SPATA13: variants seen among roughly 807,000 people sequenced by gnomAD.
The protein encoded by SPATA13 is spermatogenesis-associated protein 13.
In SPATA13, 50 loss-of-function variants were observed where a neutral mutation model predicts 104.0. The observed-to-expected ratio is 0.48, with a 90% CI of 0.38 to 0.61. SPATA13 has a LOEUF of 0.61. Ranked by LOEUF, SPATA13 falls within the 20% of genes least tolerant of loss-of-function variation. The pLI is 0.00. For synonymous variants in SPATA13, 606 were observed against 667.5 expected, an observed-to-expected ratio of 0.91 and a Z score of 1.42; for missense variants, 1,524 against 1,690.6, an observed-to-expected ratio of 0.90 and a Z score of 1.73.
At chr13:24,158,474 G>A (rs534833315), upstream of SPATA13, among the ~76,000 whole-genome samples, 1 of 152,310 alleles carries the variant, frequency 6.6e-6, no homozygotes, top group South Asian at 2.1e-4. Context: ...AAGAATAAGC[G>A]TCGGCTGGTG....
chr13:24,255,686 C>A lies in SPATA13; in HGVS notation c.2164+3824C>A, dbSNP rs537580493. Among the ~76,000 whole-genome samples the A allele has an allele frequency of 1.8e-4, 27 of 152,326 alleles. No homozygotes were observed. The South Asian group carries it at 5.4e-3, about 30-fold the overall frequency. Reference sequence around the variant, plus strand: ...AAAAGCTGCTGTCACATGGGAGATGCAGCCCAAGGGGTGGTGAGACTCACA... The same window carrying A: ...AAAAGCTGCTGTCACATGGGAGATGAAGCCCAAGGGGTGGTGAGACTCACA... On this transcript the variant is annotated intron_variant, in intron 4 of 12. Coordinates refer to ENST00000382108, the MANE Select transcript of SPATA13 (RefSeq NM_001166271.3).
intron 1 of SPATA13, among the ~76,000 whole-genome samples, chr13:24,219,906 C>T (rs1871475261): frequency 6.6e-6 from 1 of 152,168 alleles, no homozygotes; most frequent in African/African-American, 2.4e-5. Flanking sequence ...ACCCCATTTG[C>T]AAGGAACTTT....
intron 2 of SPATA13, among the ~76,000 whole-genome samples, chr13:24,004,745 A>T (rs1044813428): frequency 1.3e-5 from 2 of 152,210 alleles, no homozygotes; most frequent in African/African-American, 4.8e-5. Context: ...ATGTTCAGTC[A>T]CAGTATCCGT....
intron 1 of SPATA13, among the ~76,000 whole-genome samples, chr13:24,208,734 G>C (rs1342450969): frequency 6.6e-6 from 1 of 152,146 alleles, no homozygotes; most frequent in Admixed American, 6.6e-5. Flanking sequence ...TTATTAAGTA[G>C]TTTTAATCAG....
intron 3 of SPATA13, among the ~76,000 whole-genome samples, chr13:24,141,401 G>A (rs753784231): frequency 4.6e-5 from 7 of 152,082 alleles, no homozygotes; most frequent in Admixed American, 2.6e-4. Context: ...TTGACGTTGG[G>A]CCTTGCTAAT....
intron 3 of SPATA13, among the ~76,000 whole-genome samples, chr13:24,061,881 T>A (rs1878785292): frequency 6.8e-6 from 1 of 148,020 alleles, no homozygotes; most frequent in Non-Finnish European, 1.5e-5. Flanking sequence ...TAAAAAAAAT[T>A]AAAAATTAAA....
intron 1 of SPATA13, among the ~76,000 whole-genome samples, chr13:24,217,531 T>C (rs1019428269): frequency 6.6e-6 from 1 of 152,324 alleles, no homozygotes; most frequent in South Asian, 2.1e-4. Flanking sequence ...TAGAGAACTT[T>C]CCATGCTCCT....
In SPATA13 at chr13:24,070,813, G is replaced by A. The variant is rs139665503; in HGVS notation, c.-112+53112G>A. Among the ~76,000 whole-genome samples the A allele has an allele frequency of 7.5e-3, 1,136 of 151,944 alleles. 8 individuals carry two copies. Among genetic ancestry groups the A allele is most frequent in the Non-Finnish European group, 0.013 (863 of 67,962 alleles). ...GACTGTCTTCAAACTGGCACGTCTG[G>A]TTTTTTTCTGCCTTCCGACTCAAAC... On this transcript the variant is annotated intron_variant, in intron 3 of 14. Transcript: ENST00000424834.
intron 2 of SPATA13, among the ~76,000 whole-genome samples, chr13:23,988,398 G>A (rs1424224555): frequency 2.0e-5 from 3 of 152,134 alleles, no homozygotes; most frequent in African/African-American, 7.2e-5. Flanking sequence ...CTGTGCTATG[G>A]TGATAACATA....
intron 4 of SPATA13, among the ~76,000 whole-genome samples, chr13:24,258,438 C>T (rs980087134): frequency 4.0e-5 from 6 of 149,990 alleles, no homozygotes; most frequent in Admixed American, 2.7e-4. Context: ...AGGCTGAGGT[C>T]GGCAGATCAC....
chr13:24,016,361 A>G (rs1279365350), intron 2 of SPATA13, among the ~76,000 whole-genome samples: 1 of 152,132 alleles, frequency 6.6e-6, no homozygotes, highest in East Asian at 1.9e-4. Context: ...TTGGATCCAG[A>G]TGTGACATCT....
At chr13:24,099,972 G>A (rs1007495198) in intron 3 of SPATA13, among the ~76,000 whole-genome samples, 5 of 152,150 alleles carry the variant, frequency 3.3e-5, no homozygotes, top group Admixed American at 2.6e-4. Flanking sequence ...AGGAAGAACC[G>A]TGACTGGCCC....
chr13:24,186,768 C>T (rs947651973), intron 1 of SPATA13, among the ~76,000 whole-genome samples: 2 of 152,064 alleles, frequency 1.3e-5, no homozygotes, highest in African/African-American at 2.4e-5. Flanking sequence ...TGGGCAACAA[C>T]GCTATTGAGG....
At chr13:24,054,703 T>G (rs548651271) in intron 3 of SPATA13, among the ~76,000 whole-genome samples, 3 of 152,374 alleles carry the variant, frequency 2.0e-5, no homozygotes, top group South Asian at 4.1e-4. Context: ...TTATGATGGT[T>G]CTTAACCAGT....
At chr13:24,010,562 C>T (rs1020513228) in intron 2 of SPATA13, among the ~76,000 whole-genome samples, 8 of 150,326 alleles carry the variant, frequency 5.3e-5, no homozygotes, top group East Asian at 3.9e-4. Flanking sequence ...TTAGTGATTT[C>T]GGGGTCCCAA....
At chr13:23,991,114 C>T (rs962315563) in intron 2 of SPATA13, among the ~76,000 whole-genome samples, 4 of 152,210 alleles carry the variant, frequency 2.6e-5, no homozygotes, top group African/African-American at 9.6e-5. Flanking sequence ...CGGCAGCTCC[C>T]TGAGTGGAGA....
intron 3 of SPATA13, among the ~76,000 whole-genome samples, chr13:24,097,699 G>T (rs1880126780): frequency 1.3e-5 from 2 of 152,210 alleles, no homozygotes; most frequent in South Asian, 4.1e-4. Flanking sequence ...CTGTGCAAGA[G>T]AAAAGAGAGG....
chr13:24,185,735 T>TTC (rs199786470), intron 1 of SPATA13, among the ~76,000 whole-genome samples: 24 of 151,606 alleles, frequency 1.6e-4, no homozygotes, highest in Non-Finnish European at 2.1e-4. Flanking sequence ...TTTTTTTTTT[T>TTC]CATGAGCCCT....
intron 4 of SPATA13, among the ~76,000 whole-genome samples, chr13:24,255,566 A>G (rs1441185928): frequency 6.6e-6 from 1 of 152,166 alleles, no homozygotes; most frequent in African/African-American, 2.4e-5. Context: ...CCCATGACAG[A>G]TGTCCCACCC....
Sources: allele counts gnomAD v4.1 joint callset (sites outside exome capture counted in the v4.1 genomes callset), GRCh38; gene constraint gnomAD v4.1.1; transcripts MANE v1.5; gene names NCBI Gene and HGNC (gene_info 2026-07-23, HGNC 2026-07-21).